The following CACNA2D1 variants were observed in gnomAD, a reference collection of about 807,000 sequenced individuals.
CACNA2D1 encodes the protein voltage-dependent calcium channel subunit alpha-2/delta-1.
A neutral mutation model predicts 171.5 loss-of-function variants in CACNA2D1; 53 were observed. The observed-to-expected ratio is 0.31, with a 90% CI of 0.25 to 0.39. CACNA2D1 has a LOEUF of 0.39. Among genes scored for constraint, CACNA2D1 ranks in the 10% least tolerant of loss-of-function variants. The pLI, the probability that CACNA2D1 is intolerant of heterozygous loss-of-function variation, is 1.00. For missense variants in CACNA2D1, 903 were observed against 1,299.8 expected (o/e 0.69, Z 4.69); for synonymous variants, 442 against 443.1 (o/e 1.00, Z 0.03).
At chr7:82,090,490 T>C (rs17242961) in intron 6 of CACNA2D1, among the ~76,000 whole-genome samples, 21,358 of 152,080 alleles carry the variant, frequency 0.14, 1,957 homozygotes, top group Middle Eastern at 0.23. Flanking sequence ...ATAATACTAT[T>C]CTATTACAGC....
chr7:82,055,413 G>T (rs1301039373), intron 10 of CACNA2D1, among the ~76,000 whole-genome samples: 2 of 151,950 alleles, frequency 1.3e-5, no homozygotes, highest in African/African-American at 2.4e-5. Context: ...CCATTACTGG[G>T]TATATACCCA....
intron 3 of CACNA2D1, among the ~76,000 whole-genome samples, chr7:82,206,533 C>A (rs1373520395): frequency 6.6e-6 from 1 of 152,040 alleles, no homozygotes; most frequent in African/African-American, 2.4e-5. Context: ...AAATAATTAG[C>A]TGCACTCAGA....
At chr7:82,066,345 CTTTCAATAAG>C in intron 8 of CACNA2D1, 100 bp downstream of exon 8, 1 of 1,388,804 alleles carries the variant, frequency 7.2e-7, no homozygotes, top group African/African-American at 1.5e-5. Context: ...AATCAGATCA[CTTTCAATAAG>C]TAGTTAATAC....
intron 10 of CACNA2D1, among the ~76,000 whole-genome samples, chr7:82,041,178 A>G (rs962305209): frequency 1.3e-5 from 2 of 152,080 alleles, no homozygotes. Flanking sequence ...CTGGGGGTCA[A>G]GAAAAGTCTA....
chr7:82,246,229 C>CTATA (rs59473223), intron 3 of CACNA2D1, among the ~76,000 whole-genome samples: 20 of 150,228 alleles, frequency 1.3e-4, no homozygotes, highest in South Asian at 2.1e-4. Flanking sequence ...ATGTATATAT[C>CTATA]TATATATATA....
At chr7:81,981,861 G>C (rs1796471206) in intron 24 of CACNA2D1, among the ~76,000 whole-genome samples, 1 of 152,046 alleles carries the variant, frequency 6.6e-6, no homozygotes, top group Admixed American at 6.6e-5. Context: ...GCTATGTAAA[G>C]CAATGCCACT....
intron 6 of CACNA2D1, among the ~76,000 whole-genome samples, chr7:82,094,468 A>C (rs1417006686): frequency 2.0e-5 from 3 of 152,160 alleles, no homozygotes; most frequent in Non-Finnish European, 4.4e-5. Context: ...ATCTGTATAC[A>C]AAAAAATCAA....
chr7:82,138,269 G>C (rs556232764), intron 4 of CACNA2D1, among the ~76,000 whole-genome samples: 83 of 152,024 alleles, frequency 5.5e-4, no homozygotes, highest in African/African-American at 2.0e-3. Context: ...AAATATCACA[G>C]CATATGAATC....
chr7:82,203,609 G>A lies in CACNA2D1; in HGVS notation c.295-33000C>T, dbSNP rs145328473. On this transcript the variant is annotated intron_variant, in intron 3 of 38. Transcript: ENST00000356860. Reference sequence around the variant, plus strand: ...CTATTCAGCAGGCACAAGCCCTACGGGTAGTTGATCCAGGGCACCTATTTG... The same window carrying A: ...CTATTCAGCAGGCACAAGCCCTACGAGTAGTTGATCCAGGGCACCTATTTG... 3.7e-3 allele frequency among the ~76,000 whole-genome samples: 563 copies of A among 152,308 alleles called. 4 individuals carry two copies. Among genetic ancestry groups the A allele is most frequent in the African/African-American group, 0.013 (533 of 41,582 alleles).
chr7:82,365,045 A>G (rs1312749262), intron 1 of CACNA2D1, among the ~76,000 whole-genome samples: 1 of 152,198 alleles, frequency 6.6e-6, no homozygotes, highest in African/African-American at 2.4e-5. Context: ...AAATAAAACA[A>G]GGAATTGAAA....
At chr7:82,226,893 C>T (rs1304431064) in intron 3 of CACNA2D1, among the ~76,000 whole-genome samples, 1 of 152,060 alleles carries the variant, frequency 6.6e-6, no homozygotes, top group Admixed American at 6.6e-5. Flanking sequence ...TTAACTTGTA[C>T]TATAAAAGCT....
intron 3 of CACNA2D1, among the ~76,000 whole-genome samples, chr7:82,246,411 T>A (rs1486112051): frequency 6.6e-6 from 1 of 152,136 alleles, no homozygotes; most frequent in Non-Finnish European, 1.5e-5. Flanking sequence ...CATTAACCAA[T>A]CTACTATTAT....
chr7:82,211,360 C>T (rs1800532531), intron 3 of CACNA2D1, among the ~76,000 whole-genome samples: 1 of 152,130 alleles, frequency 6.6e-6, no homozygotes, highest in African/African-American at 2.4e-5. Flanking sequence ...ACCCTTCCCC[C>T]ACCCTCCACC....
chr7:82,263,166 T>C (rs184256362), intron 3 of CACNA2D1, among the ~76,000 whole-genome samples: 1 of 141,354 alleles, frequency 7.1e-6, no homozygotes, highest in Admixed American at 7.7e-5. Flanking sequence ...TGGGGTACAG[T>C]GGTGTAATCT....
At chr7:82,265,204 T>C (rs766358866) in intron 3 of CACNA2D1, among the ~76,000 whole-genome samples, 6 of 152,164 alleles carry the variant, frequency 3.9e-5, no homozygotes, top group Non-Finnish European at 8.8e-5. Context: ...CCTAAAAACA[T>C]CTTTTAATTG....
intron 3 of CACNA2D1, among the ~76,000 whole-genome samples, chr7:82,333,597 T>C (rs1028823751): frequency 3.3e-5 from 5 of 151,838 alleles, no homozygotes; most frequent in African/African-American, 4.8e-5. Flanking sequence ...CATGATTCAA[T>C]TACCTCCCAC....
chr7:82,140,115 T>C (rs1316966617), intron 4 of CACNA2D1, among the ~76,000 whole-genome samples: 1 of 152,096 alleles, frequency 6.6e-6, no homozygotes, highest in Admixed American at 6.6e-5. Context: ...CTAAAAGAGT[T>C]CTTTCTCAAT....
At position 82,268,725 on chromosome 7, in the gene CACNA2D1, C is replaced by CA. The variant is rs3839794; in HGVS notation, c.294+66409dup. The stretch of plus-strand genomic sequence containing the variant: ...AAAGAATTTGAGAGATACCTGAGAC[C>CA]AAAAAAAAAAAAAAGACACAATTAA... On this transcript the variant is annotated intron_variant, in intron 3 of 38. Coordinates refer to ENST00000356860, the MANE Select transcript of CACNA2D1 (RefSeq NM_000722.4). 3.6e-4 allele frequency among the ~76,000 whole-genome samples: 50 copies of CA among 138,716 alleles called. 1 individual carries two copies. The highest frequency in any genetic ancestry group is 2.2e-3 in the East Asian group (10 of 4,624). The allele number at this position is 138,716 out of a possible 152,430, so 91.0% of individuals were successfully genotyped here. A position where few individuals can be genotyped will look rare whatever the true frequency, so the allele number is the denominator to read the frequency against.
At chr7:82,218,756 A>G (rs546049179) in intron 3 of CACNA2D1, among the ~76,000 whole-genome samples, 4 of 152,322 alleles carry the variant, frequency 2.6e-5, no homozygotes, top group Admixed American at 6.5e-5. Context: ...TAAAGCTTGT[A>G]AAGTTTAGTG....
Sources: allele counts gnomAD v4.1 joint callset (sites outside exome capture counted in the v4.1 genomes callset), GRCh38; gene constraint gnomAD v4.1.1; transcripts MANE v1.5; gene names NCBI Gene and HGNC (gene_info 2026-07-23, HGNC 2026-07-21).